The following ENOX1 variants were observed in gnomAD, a reference collection of about 807,000 sequenced individuals.
ENOX1 encodes the protein candidate growth-related and time keeping constitutive hydroquinone (NADH) oxidase.
Under a neutral mutation model 82.5 loss-of-function variants are expected in ENOX1, and 42 were observed. The ratio of observed to expected loss-of-function variants is 0.51; its 90% confidence interval spans 0.40 to 0.66. The LOEUF (loss-of-function observed/expected upper bound fraction) is 0.66, where lower values mean the gene tolerates loss of function less well. Ranked by LOEUF, ENOX1 falls within the 30% of genes least tolerant of loss-of-function variation. The probability of loss-of-function intolerance (pLI) is 0.00; values close to 1 mark genes in which losing one functional copy is unlikely to be tolerated. For missense variants in ENOX1, 608 were observed against 811.6 expected (o/e 0.75, Z 3.05); for synonymous variants, 271 against 282.2 (o/e 0.96, Z 0.40).
rs536869795 is a variant in ENOX1, at chr13:43,525,876, T to A, written c.-218-41724A>T. 3.9e-5 allele frequency among the ~76,000 whole-genome samples: 6 copies of A among 152,300 alleles called. No individual in the cohort carries two copies. The East Asian group carries it at 1.2e-3, about 29-fold the overall frequency. On this transcript the variant is annotated intron_variant, in intron 2 of 16. Transcript: ENST00000690772. ...TGTAGAGGTTTTTAGATATTCTGGG[T>A]ATTAACCCCTTATCAAATATATGAT...
At chr13:43,490,743 T>C (rs1369634347) in intron 2 of ENOX1, among the ~76,000 whole-genome samples, 1 of 151,946 alleles carries the variant, frequency 6.6e-6, no homozygotes, top group Admixed American at 6.5e-5. Context: ...AACCTGCCAG[T>C]GCATTCATCT....
chr13:43,660,375 T>G (rs1368531497), intron 2 of ENOX1, among the ~76,000 whole-genome samples: 1 of 152,214 alleles, frequency 6.6e-6, no homozygotes, highest in African/African-American at 2.4e-5. Context: ...ATCCTTAATC[T>G]GAAAATGATC....
At chr13:43,312,323 G>C (rs2047250181) in intron 11 of ENOX1, among the ~76,000 whole-genome samples, 1 of 152,128 alleles carries the variant, frequency 6.6e-6, no homozygotes, top group East Asian at 1.9e-4. Context: ...AAAGCCTCGG[G>C]AATAGAGAAA....
At position 43,528,343 on chromosome 13, in the gene ENOX1, T is replaced by C. The variant is rs141352783; in HGVS notation, c.-218-44191A>G. ...CCTTTGTATACATAGGACTGTTGTC[T>C]TACCACAGAAACTAAGAACTAGAAT... is the stretch of plus-strand genomic sequence containing the variant. On this transcript the variant is annotated intron_variant, in intron 2 of 16. Transcript: ENST00000690772. Among the ~76,000 whole-genome samples, 49 of 152,222 alleles carry C rather than the reference T, an allele frequency of 3.2e-4. 1 individual carries two copies. In the East Asian group the frequency reaches 9.1e-3, roughly 28 times the overall value.
At chr13:43,435,594 G>A (rs955295037) in intron 3 of ENOX1, among the ~76,000 whole-genome samples, 4 of 152,034 alleles carry the variant, frequency 2.6e-5, no homozygotes, top group African/African-American at 7.2e-5. Flanking sequence ...AATAAACCAC[G>A]GTACTCACAC....
At chr13:43,575,605 A>T (rs2153713905) in intron 2 of ENOX1, among the ~76,000 whole-genome samples, 1 of 152,350 alleles carries the variant, frequency 6.6e-6, no homozygotes, top group South Asian at 2.1e-4. Flanking sequence ...TCTCAAGAGG[A>T]TTATAACACA....
At chr13:43,445,333 C>T (rs562988963) in intron 3 of ENOX1, among the ~76,000 whole-genome samples, 24 of 152,098 alleles carry the variant, frequency 1.6e-4, no homozygotes, top group South Asian at 6.2e-4. Context: ...CCGTGTTAGC[C>T]AGGATGGTCT....
At chr13:43,599,507 C>A (rs2081611770) in intron 2 of ENOX1, among the ~76,000 whole-genome samples, 1 of 151,972 alleles carries the variant, frequency 6.6e-6, no homozygotes, top group South Asian at 2.1e-4. Context: ...AAATCATTCA[C>A]CCCAGTGGTC....
chr13:43,635,963 C>T (rs570510218), intron 2 of ENOX1, among the ~76,000 whole-genome samples: 140 of 152,150 alleles, frequency 9.2e-4, no homozygotes, highest in Non-Finnish European at 1.6e-3. Context: ...GAAGCAGGGC[C>T]CTATCATGGG....
Position 43,574,487 on chromosome 13 carries a change from A to C in ENOX1, c.-218-90335T>G, listed in dbSNP as rs141793553. 2.6e-4 allele frequency among the ~76,000 whole-genome samples: 39 copies of C among 152,308 alleles called. 1 individual carries two copies. The East Asian group carries it at 7.0e-3, about 27-fold the overall frequency. On this transcript the variant is annotated intron_variant, in intron 2 of 16. Transcript: ENST00000690772. ...TGTACAATACATTAATTTCTACTAA[A>C]ATTAATGTTTTGGGTTAAAATCAAT... is the stretch of plus-strand genomic sequence containing the variant.
rs770111325 is a variant in ENOX1, at chr13:43,356,065, T to A, written c.677A>T (p.Tyr226Phe). ...CATCCTCTGCTTGCATTCCCACTCA[T>A]AGAAGTCATCCCTGGCCTGGGCAAA... is the stretch of plus-strand genomic sequence containing the variant. Reference protein sequence around the residue: ...VDFAQARDDFYEWECKQRMRA... With the variant: ...VDFAQARDDFFEWECKQRMRA... The change falls in exon 8 of 17, where the codon TAT becomes TTT. Residue 226 changes from tyrosine (Y) to phenylalanine (F), a missense_variant. Physicochemically the swap from Tyr to Phe is conservative, Grantham distance 22 (BLOSUM62 3). Coordinates refer to ENST00000690772, the MANE Select transcript of ENOX1 (RefSeq NM_001347969.2). 2 of 1,614,164 alleles carry A rather than the reference T, an allele frequency of 1.2e-6. No homozygotes were observed. Among genetic ancestry groups the A allele is most frequent in the South Asian group, 2.2e-5 (2 of 91,070 alleles).
chr13:43,588,229 T>C (rs141988810), intron 2 of ENOX1, among the ~76,000 whole-genome samples: 1 of 152,344 alleles, frequency 6.6e-6, no homozygotes, highest in Admixed American at 6.5e-5. Flanking sequence ...TTTTTTGACA[T>C]ACTTTCATGA....
chr13:43,649,686 T>G (rs2084064239), intron 2 of ENOX1, among the ~76,000 whole-genome samples: 1 of 152,092 alleles, frequency 6.6e-6, no homozygotes, highest in South Asian at 2.1e-4. Flanking sequence ...TTTTTCTCTA[T>G]GAATTGAGGT....
intron 16 of ENOX1, among the ~76,000 whole-genome samples, chr13:43,217,382 A>C (rs1489419370): frequency 6.6e-6 from 1 of 152,170 alleles, no homozygotes; most frequent in African/African-American, 2.4e-5. Flanking sequence ...CGGTAAGCAA[A>C]TCATGGGAAG....
rs1212672104 is a variant in ENOX1, at chr13:43,786,051, C to T, written c.-285+601G>A. Among the ~76,000 whole-genome samples, 1 of 152,196 alleles carries T rather than the reference C, an allele frequency of 6.6e-6. No homozygotes were observed. The stretch of plus-strand genomic sequence containing the variant: ...AGGGCGCGCTCCCGCCGACGAAGAC[C>T]TGTCCAAGGTGTCCGAGCTCCCCGC... On this transcript the variant is annotated intron_variant, in intron 1 of 16. Transcript: ENST00000690772. The surrounding 1 kb of genome is among the most constrained non-coding windows in gnomAD (Gnocchi z 6.0).
intron 1 of ENOX1, among the ~76,000 whole-genome samples, chr13:43,682,911 T>C (rs1048307529): frequency 5.3e-5 from 8 of 152,230 alleles, no homozygotes; most frequent in African/African-American, 1.9e-4. Context: ...GTGTTCCGCT[T>C]AGGGCCTTTG....
At chr13:43,344,825 G>T in intron 8 of ENOX1, 75 bp from the exon 9 acceptor site, 1 of 1,473,378 alleles carries the variant, frequency 6.8e-7, no homozygotes, top group Non-Finnish European at 9.4e-7. Context: ...CCTCTCAAAA[G>T]ACAGAGCATA....
chr13:43,735,545 C>G (rs2089579787), intron 1 of ENOX1, among the ~76,000 whole-genome samples: 1 of 152,014 alleles, frequency 6.6e-6, no homozygotes, highest in African/African-American at 2.4e-5. Flanking sequence ...CACAGTGAAA[C>G]CCCGTCTCTA....
chr13:43,474,809 T>A (rs1306812856), intron 3 of ENOX1, among the ~76,000 whole-genome samples: 1 of 152,058 alleles, frequency 6.6e-6, no homozygotes, highest in East Asian at 1.9e-4. Flanking sequence ...TGGACCCTGA[T>A]GTAAAAAGAA....
Sources: allele counts gnomAD v4.1 joint callset (sites outside exome capture counted in the v4.1 genomes callset), GRCh38; gene constraint gnomAD v4.1.1; non-coding constraint Gnocchi (gnomAD v3.1); transcripts MANE v1.5; gene names NCBI Gene and HGNC (gene_info 2026-07-23, HGNC 2026-07-21).